Variants in SP140L observed in about 807,000 individuals in gnomAD.
SP140L encodes the protein nuclear body protein SP140-like protein.
Under a neutral mutation model 84.3 loss-of-function variants are expected in SP140L, and 64 were observed. The observed-to-expected ratio is 0.76, with a 90% CI of 0.62 to 0.94. The LOEUF (loss-of-function observed/expected upper bound fraction) is 0.94. Among genes scored for constraint, SP140L ranks in the 40% least tolerant of loss-of-function variants. SP140L has a pLI of 0.00. For synonymous variants in SP140L, 242 were observed against 236.9 expected (o/e 1.02, Z -0.20); for missense variants, 628 against 692.5 (o/e 0.91, Z 1.05).
At chr2:230,394,843 A>G (rs181566698) in intron 13 of SP140L, among the ~76,000 whole-genome samples, 2 of 152,316 alleles carry the variant, frequency 1.3e-5, no homozygotes, top group Non-Finnish European at 2.9e-5. Context: ...CAGTGTCACT[A>G]TCAGTGCCAC....
At chr2:230,362,101 G>C (rs1420221131) in intron 5 of SP140L, among the ~76,000 whole-genome samples, 1 of 152,148 alleles carries the variant, frequency 6.6e-6, no homozygotes, top group Non-Finnish European at 1.5e-5. Context: ...TGTTTTATCT[G>C]TACTCTCACA....
At chr2:230,343,651 A>G (rs2060127843) in intron 2 of SP140L, among the ~76,000 whole-genome samples, 1 of 117,884 alleles carries the variant, frequency 8.5e-6, no homozygotes, top group Non-Finnish European at 1.9e-5. Context: ...TCTCTGAGGA[A>G]TTGCCACACT....
At chr2:230,342,308 C>A (rs921223538) in intron 2 of SP140L, 1 of 154,918 alleles carries the variant, frequency 6.5e-6, no homozygotes, top group South Asian at 2.0e-4. Context: ...CTCCCTGACC[C>A]CTTGCGCTTC....
intron 2 of SP140L, among the ~76,000 whole-genome samples, chr2:230,334,573 C>G (rs1321151708): frequency 6.6e-6 from 1 of 152,148 alleles, no homozygotes; most frequent in Non-Finnish European, 1.5e-5. Flanking sequence ...TTCATCCATT[C>G]CAGTGTTGGA....
At chr2:230,360,000 C>CT (rs999060060) in intron 4 of SP140L, among the ~76,000 whole-genome samples, 3 of 152,074 alleles carry the variant, frequency 2.0e-5, no homozygotes, top group South Asian at 2.1e-4. Flanking sequence ...TGATTCTTGA[C>CT]TTTTTTCCTG....
rs1040262956 is a variant in SP140L, at chr2:230,342,115, C to T, written c.107+13284C>T. On this transcript the variant is annotated intron_variant, in intron 2 of 18. Coordinates refer to ENST00000415673, the MANE Select transcript of SP140L (RefSeq NM_138402.6). ...CGTCACTGCCGCCTTGCAGTTTGAT[C>T]TCAGACTGCTGTGCTAGCAATCAGT... The T allele has an allele frequency of 1.8e-5, 3 of 164,096 alleles. No individual in the cohort carries two copies. The South Asian group carries it at 5.5e-4, about 30-fold the overall frequency. The allele number at this position is 164,096 out of a possible 1,614,324, so 10.2% of individuals were successfully genotyped here. A position where few individuals can be genotyped will look rare whatever the true frequency, so the allele number is the denominator to read the frequency against.
chr2:230,340,537 A>T lies in SP140L; in HGVS notation c.107+11706A>T, dbSNP rs1409351455. Among the ~76,000 whole-genome samples the T allele has an allele frequency of 6.6e-4, 90 of 136,244 alleles. 1 individual carries two copies. The highest frequency in any genetic ancestry group is 1.1e-3 in the Non-Finnish European group (68 of 62,684). The allele number at this position is 136,244 out of a possible 152,430, so 89.4% of individuals were successfully genotyped here. A position where few individuals can be genotyped will look rare whatever the true frequency, so the allele number is the denominator to read the frequency against. On this transcript the variant is annotated intron_variant, in intron 2 of 18. Coordinates refer to ENST00000415673, the MANE Select transcript of SP140L (RefSeq NM_138402.6). ...GTGTGAATTTGATCCTGTCATTATGATGTTAGCTGGTTATTTTGCTCGTTA... is the reference window on the plus strand; with the variant it reads ...GTGTGAATTTGATCCTGTCATTATGTTGTTAGCTGGTTATTTTGCTCGTTA...
At chr2:230,387,025 C>T (rs1303293232) in intron 9 of SP140L, among the ~76,000 whole-genome samples, 1 of 152,158 alleles carries the variant, frequency 6.6e-6, no homozygotes, top group Non-Finnish European at 1.5e-5. Context: ...ATGTCCTGGA[C>T]TTCCAGAGTC....
chr2:230,354,925 G>GAAAAA (rs1254953808), intron 2 of SP140L, among the ~76,000 whole-genome samples: 2 of 142,074 alleles, frequency 1.4e-5, no homozygotes, highest in African/African-American at 5.1e-5. Flanking sequence ...GAAAAAGAAA[G>GAAAAA]AAAAAAGAAA....
intron 2 of SP140L, among the ~76,000 whole-genome samples, chr2:230,344,429 C>A (rs2060151510): frequency 6.6e-6 from 1 of 152,172 alleles, no homozygotes; most frequent in Non-Finnish European, 1.5e-5. Context: ...TGAGATAGGT[C>A]TCTTGAAGAT....
In SP140L at chr2:230,392,072, A is replaced by T. The variant is rs2061835268; in HGVS notation, c.965-15A>T. ...AACAAAGAGGGCTCAGGATCAAGTTACCCTGGTCTTACAGGAACCTTGGCA... is the reference window on the plus strand; with the variant it reads ...AACAAAGAGGGCTCAGGATCAAGTTTCCCTGGTCTTACAGGAACCTTGGCA... On this transcript the variant is annotated splice_polypyrimidine_tract_variant and intron_variant, in intron 11 of 18. Transcript: ENST00000415673. The T allele has an allele frequency of 2.5e-6, 4 of 1,613,710 alleles. No homozygotes were observed. In the Admixed American group the frequency reaches 5.0e-5, roughly 20 times the overall value.
intron 4 of SP140L, among the ~76,000 whole-genome samples, chr2:230,360,794 T>C (rs6707444): frequency 0.74 from 112,465 of 152,050 alleles, 43,259 homozygotes; most frequent in East Asian, 1. Context: ...CCTACCCACC[T>C]TCAGGGAGAT....
intron 7 of SP140L, among the ~76,000 whole-genome samples, chr2:230,377,395 G>A (rs530616312): frequency 6.6e-6 from 1 of 152,136 alleles, no homozygotes; most frequent in South Asian, 2.1e-4. Context: ...AATTCATACA[G>A]TATTGAATTT....
intron 15 of SP140L, 57 bp downstream of exon 15, chr2:230,400,299 G>T (rs1158609292): frequency 6.5e-7 from 1 of 1,541,616 alleles, no homozygotes; most frequent in Admixed American, 1.7e-5. Context: ...CACCTGCCAT[G>T]CGCACTCTCC....
At chr2:230,344,165 G>A (rs1443831540) in intron 2 of SP140L, among the ~76,000 whole-genome samples, 1 of 152,166 alleles carries the variant, frequency 6.6e-6, no homozygotes, top group African/African-American at 2.4e-5. Context: ...AAGTCTCTTT[G>A]TAGGTTTCTA....
chr2:230,383,683 C>A, intron 8 of SP140L, 108 bp downstream of exon 8: 1 of 1,070,580 alleles, frequency 9.3e-7, no homozygotes, highest in Non-Finnish European at 1.3e-6. Context: ...TCTGTACTTC[C>A]TGTATCCGTT....
At chr2:230,329,119 G>T (rs2059657703) in intron 2 of SP140L, among the ~76,000 whole-genome samples, 1 of 152,144 alleles carries the variant, frequency 6.6e-6, no homozygotes, top group Non-Finnish European at 1.5e-5. Context: ...TTACGACATA[G>T]ATTTTATAAG....
intron 7 of SP140L, among the ~76,000 whole-genome samples, chr2:230,374,649 C>T (rs1368375495): frequency 1.3e-5 from 2 of 152,178 alleles, no homozygotes; most frequent in Admixed American, 6.5e-5. Flanking sequence ...GTCACAGCCA[C>T]CTCAACATTT....
At chr2:230,352,628 A>C (rs1381339194) in intron 2 of SP140L, among the ~76,000 whole-genome samples, 4 of 152,128 alleles carry the variant, frequency 2.6e-5, no homozygotes, top group Admixed American at 1.3e-4. Context: ...GAGCCAAACC[A>C]TATCATTTGG....
Sources: gnomAD v4.1 joint callset for allele counts (sites outside exome capture counted in the v4.1 genomes callset) on GRCh38, gnomAD v4.1.1 for gene constraint, MANE v1.5 for transcripts, NCBI Gene and HGNC (gene_info 2026-07-23, HGNC 2026-07-21) for gene names.